ARNT: variants seen among roughly 807,000 people sequenced by gnomAD.
ARNT encodes the protein aryl hydrocarbon receptor nuclear translocator.
In ARNT, 30 loss-of-function variants were observed where a neutral mutation model predicts 105.0. The ratio of observed to expected loss-of-function variants is 0.29; its 90% CI spans 0.21 to 0.39. The LOEUF (loss-of-function observed/expected upper bound fraction) is 0.39. Among genes scored for constraint, ARNT ranks in the 10% least tolerant of loss-of-function variants. ARNT has a pLI of 1.00. For missense variants in ARNT, 748 were observed against 978.7 expected, an observed-to-expected ratio of 0.76 and a Z score of 3.15; for synonymous variants, 304 against 344.0, an observed-to-expected ratio of 0.88 and a Z score of 1.29.
At chr1:150,843,658 T>C (rs907562603) in intron 4 of ARNT, among the ~76,000 whole-genome samples, 3 of 152,148 alleles carry the variant, frequency 2.0e-5, no homozygotes, top group African/African-American at 7.2e-5. Flanking sequence ...AACTTCTTTT[T>C]TTTCAAAAAG....
chr1:150,870,305 T>C (rs898747008), intron 1 of ARNT, among the ~76,000 whole-genome samples: 4 of 151,784 alleles, frequency 2.6e-5, no homozygotes, highest in Non-Finnish European at 5.9e-5. Context: ...AAATTCATGA[T>C]GTCAATGGCT....
rs773522371 is a variant in ARNT, at chr1:150,859,374, TCA to T, written c.26-916_26-915del. On this transcript the variant is annotated intron_variant, in intron 1 of 21. Transcript: ENST00000358595. ...TTTTTTTTTTTTTTAAGACAGGGTC[TCA>T]CTTTGTCCAGCCCAGGCTGGAGTAC... Among the ~76,000 whole-genome samples the T allele has an allele frequency of 1.1e-3, 168 of 149,290 alleles. 1 individual carries two copies. Among genetic ancestry groups the T allele is most frequent in the Non-Finnish European group, 2.0e-3 (133 of 67,436 alleles).
At chr1:150,816,988 G>A in intron 17 of ARNT, 94 bp downstream of exon 17, 1 of 1,604,086 alleles carries the variant, frequency 6.2e-7, no homozygotes, top group Non-Finnish European at 8.5e-7. Flanking sequence ...TGATTAAGTG[G>A]AAAAACACTG....
Position 150,860,497 on chromosome 1 carries a change from T to C in ARNT, c.26-2037A>G, listed in dbSNP as rs6689204. On this transcript the variant is annotated intron_variant, in intron 1 of 21. Coordinates refer to ENST00000358595, the MANE Select transcript of ARNT (RefSeq NM_001668.4). ...TCCCAAAATGCTAGGATTACAGGCA[T>C]GAGCCACCGTGCCCAGCAGAAAAAA... Among the ~76,000 whole-genome samples the C allele has an allele frequency of 4.3e-3, 651 of 151,646 alleles. 3 individuals carry two copies. The highest frequency in any genetic ancestry group is 0.015 in the African/African-American group (626 of 41,358).
chr1:150,876,552 C>G lies in ARNT; in HGVS notation c.16G>C (p.Ala6Pro). The G allele has an allele frequency of 1.3e-6, 2 of 1,550,002 alleles. No individual in the cohort carries two copies. Among genetic ancestry groups the G allele is most frequent in the South Asian group, 1.2e-5 (1 of 84,130 alleles). ...TCCTCCGTCTCCTCACCGGGGTTGG[C>G]AGTAGTCGCCGCCATGGCCGCAGAT... MAATT[A>P]NPEMTSDVPS... The change falls in exon 1 of 22, where the codon GCC becomes CCC. Residue 6 changes from alanine to proline, a missense_variant. Ala to Pro is a conservative substitution (Grantham distance 27). Transcript: ENST00000358595.
intron 2 of ARNT, chr1:150,853,095 A>C: frequency 2.7e-6 from 1 of 374,826 alleles, no homozygotes; most frequent in South Asian, 2.4e-5. Flanking sequence ...AGCCTGGCCA[A>C]CATGCTGAAA....
intron 1 of ARNT, among the ~76,000 whole-genome samples, chr1:150,871,736 C>T (rs1404794740): frequency 6.7e-6 from 1 of 149,226 alleles, no homozygotes; most frequent in Non-Finnish European, 1.5e-5. Context: ...ATGGAGAAAC[C>T]CTGTCTCTAT....
chr1:150,859,038 A>G (rs1003549830), intron 1 of ARNT, among the ~76,000 whole-genome samples: 1 of 152,056 alleles, frequency 6.6e-6, no homozygotes, highest in African/African-American at 2.4e-5. Context: ...GCTTATACAT[A>G]CATAACAATA....
chr1:150,845,193 G>A (rs1296512255), intron 4 of ARNT, among the ~76,000 whole-genome samples: 4 of 152,172 alleles, frequency 2.6e-5, no homozygotes, highest in African/African-American at 9.6e-5. Flanking sequence ...GCTGAGGTAG[G>A]AGGATCACTG....
chr1:150,847,840 T>C (rs1662530740), intron 3 of ARNT, among the ~76,000 whole-genome samples: 1 of 152,244 alleles, frequency 6.6e-6, no homozygotes, highest in South Asian at 2.1e-4. Flanking sequence ...TCTTAGAGAA[T>C]TATACTTCCA....
chr1:150,875,973 G>A (rs959552814), intron 1 of ARNT, among the ~76,000 whole-genome samples: 3 of 152,176 alleles, frequency 2.0e-5, no homozygotes, highest in African/African-American at 7.2e-5. Flanking sequence ...AGTATAGTCC[G>A]GGGACGGAGA....
chr1:150,816,509 C>T, intron 18 of ARNT, 103 bp from the exon 19 acceptor site: 1 of 1,372,862 alleles, frequency 7.3e-7, no homozygotes, highest in Non-Finnish European at 9.7e-7. Context: ...CCTTGACTTC[C>T]TGCAGGTTAA....
intron 1 of ARNT, among the ~76,000 whole-genome samples, chr1:150,875,975 G>GGACGGA (rs1668179909): frequency 6.6e-6 from 1 of 152,162 alleles, no homozygotes. Flanking sequence ...TATAGTCCGG[G>GGACGGA]GACGGAGACG....
intron 1 of ARNT, among the ~76,000 whole-genome samples, chr1:150,859,998 T>A (rs1323465852): frequency 6.7e-6 from 1 of 148,754 alleles, no homozygotes; most frequent in Non-Finnish European, 1.5e-5. Context: ...CAGAGCAAGA[T>A]CCTGTCTAAA....
chr1:150,821,460 G>A (rs1657043116), intron 14 of ARNT, among the ~76,000 whole-genome samples: 1 of 152,156 alleles, frequency 6.6e-6, no homozygotes, highest in African/African-American at 2.4e-5. Flanking sequence ...GCATCACACA[G>A]CATTTTAAGC....
chr1:150,859,344 C>CT (rs587772891), intron 1 of ARNT, among the ~76,000 whole-genome samples: 1,819 of 133,906 alleles, frequency 0.014, 49 homozygotes, highest in East Asian at 0.098. Flanking sequence ...CAGCTGAGTA[C>CT]TTTTTTTTTT....
intron 12 of ARNT, among the ~76,000 whole-genome samples, chr1:150,827,238 A>C (rs1658476312): frequency 6.6e-6 from 1 of 152,164 alleles, no homozygotes; most frequent in African/African-American, 2.4e-5. Flanking sequence ...GATGATGTCT[A>C]CTAAATTTAT....
At chr1:150,862,147 C>T (rs904517166) in intron 1 of ARNT, among the ~76,000 whole-genome samples, 11 of 152,146 alleles carry the variant, frequency 7.2e-5, no homozygotes, top group Non-Finnish European at 1.3e-4. Flanking sequence ...TTAACAGTTA[C>T]ATAGTACTCT....
chr1:150,850,092 G>A (rs587734092), intron 3 of ARNT, among the ~76,000 whole-genome samples: 92 of 152,142 alleles, frequency 6.0e-4, no homozygotes, highest in Admixed American at 2.9e-3. Context: ...AAAAGCTCCA[G>A]AATATTAACA....
Sources: allele counts gnomAD v4.1 joint callset (sites outside exome capture counted in the v4.1 genomes callset), GRCh38; gene constraint gnomAD v4.1.1; transcripts MANE v1.5; gene names NCBI Gene and HGNC (gene_info 2026-07-23, HGNC 2026-07-21).